CDC45: variants seen among roughly 807,000 people sequenced by gnomAD.
The protein encoded by CDC45 is cell division cycle 45, also known as cell division control protein 45 homolog.
In CDC45, 54 loss-of-function variants were observed where a neutral mutation model predicts 77.8. The observed-to-expected ratio is 0.69, with a 90% CI of 0.56 to 0.87. CDC45 has a LOEUF of 0.87. Among genes scored for constraint, CDC45 ranks in the 40% least tolerant of loss-of-function variants. CDC45 has a pLI of 0.00. For synonymous variants in CDC45, 260 were observed against 272.1 expected (o/e 0.96, Z 0.44); for missense variants, 649 against 721.6 (o/e 0.90, Z 1.15).
intron 7 of CDC45, 94 bp from the exon 8 acceptor site, chr22:19,497,292 C>A: frequency 8.7e-7 from 1 of 1,155,350 alleles, no homozygotes; most frequent in Non-Finnish European, 1.3e-6. Context: ...AGGGGTTTGC[C>A]AGGGCCCTTC....
intron 5 of CDC45, among the ~76,000 whole-genome samples, chr22:19,488,026 GA>G (rs2146347437): frequency 6.6e-6 from 1 of 151,312 alleles, no homozygotes; most frequent in East Asian, 1.9e-4. Context: ...CCCCAGCAAA[GA>G]TGAGAGTCCG....
At chr22:19,493,480 T>C (rs983754690) in intron 5 of CDC45, among the ~76,000 whole-genome samples, 2 of 152,110 alleles carry the variant, frequency 1.3e-5, no homozygotes, top group African/African-American at 4.8e-5. Flanking sequence ...AGTCTTGCTC[T>C]GTTACCCAGG....
At chr22:19,481,837 A>G (rs1201406565) in intron 3 of CDC45, among the ~76,000 whole-genome samples, 1 of 151,880 alleles carries the variant, frequency 6.6e-6, no homozygotes, top group African/African-American at 2.4e-5. Flanking sequence ...ACGCCTGGCT[A>G]ATTTTTGTAT....
Position 19,493,528 on chromosome 22 carries a change from T to C in CDC45, c.487-799T>C, listed in dbSNP as rs563694714. On this transcript the variant is annotated intron_variant, in intron 5 of 18. Coordinates refer to ENST00000263201, the MANE Select transcript of CDC45 (RefSeq NM_003504.5). Reference sequence around the variant, plus strand: ...GGCACAATCTCGGCTCACTGCTACCTCCACCTCCTGGGTTCAGGCAGTTTT... The same window carrying C: ...GGCACAATCTCGGCTCACTGCTACCCCCACCTCCTGGGTTCAGGCAGTTTT... 7.9e-5 allele frequency among the ~76,000 whole-genome samples: 12 copies of C among 152,120 alleles called. No homozygotes were observed. In the East Asian group the frequency reaches 1.7e-3, roughly 22 times the overall value.
At chr22:19,479,489 G>T, upstream of CDC45, 1 of 599,274 alleles carries the variant, frequency 1.7e-6, no homozygotes. Flanking sequence ...TTCAGCCATC[G>T]AGGACTCGGG....
At chr22:19,492,978 CA>C (rs1470516875) in intron 5 of CDC45, among the ~76,000 whole-genome samples, 1 of 152,200 alleles carries the variant, frequency 6.6e-6, no homozygotes, top group Non-Finnish European at 1.5e-5. Context: ...GTGGACTTGT[CA>C]CCAACCAGCA....
chr22:19,520,335 G>A lies in CDC45; in HGVS notation c.*2-146G>A, dbSNP rs1242175674. 6.6e-6 allele frequency: 1 copy of A among 152,312 alleles called. No homozygotes were observed. Among genetic ancestry groups the A allele is most frequent in the Non-Finnish European group, 1.5e-5 (1 of 68,164 alleles). The allele number at this position is 152,312 out of a possible 1,614,324, so 9.4% of individuals were successfully genotyped here. A position where few individuals can be genotyped will look rare whatever the true frequency, so the allele number is the denominator to read the frequency against. On this transcript the variant is annotated intron_variant, in intron 18 of 18. Coordinates refer to ENST00000263201, the MANE Select transcript of CDC45 (RefSeq NM_003504.5). This position sits in a 1 kb window ranked among gnomAD's most constrained non-coding sequence, Gnocchi z 4.5. ...CAAGGGGTGCTATGAGGACAGCAGGGGCCTCCGAGTCTGGGGTGGCCTCAC... is the reference window on the plus strand; with the variant it reads ...CAAGGGGTGCTATGAGGACAGCAGGAGCCTCCGAGTCTGGGGTGGCCTCAC...
intron 2 of CDC45, 74 bp from the exon 3 acceptor site, chr22:19,480,879 C>A: frequency 3.2e-6 from 3 of 931,684 alleles, no homozygotes; most frequent in Non-Finnish European, 5.1e-6. Context: ...CCCGTCTAAT[C>A]TTCCTCAGTT....
chr22:19,479,865 T>G (rs1159518932), upstream of CDC45: 2 of 1,147,960 alleles, frequency 1.7e-6, no homozygotes, highest in Non-Finnish European at 2.6e-6. Context: ...TATTGGTTGG[T>G]GATCCCTGGA....
Position 19,508,680 on chromosome 22 carries a change from C to T in CDC45, c.1206C>T (p.Asp402=). The T allele has an allele frequency of 1.2e-6, 2 of 1,614,032 alleles. No individual in the cohort carries two copies. The highest frequency in any genetic ancestry group is 1.1e-5 in the South Asian group (1 of 91,064). ...SGTDHFIQAL[D]SLSRSNLDKL... ...CAGATCACTTCATCCAGGCTCTGGA[C>T]AGCCTCTCCAGGTAGCAGGAGGGCT... The change falls in exon 13 of 19, where the codon GAC becomes GAT. Residue 402 remains aspartate (D), a synonymous_variant. Coordinates refer to ENST00000263201, the MANE Select transcript of CDC45 (RefSeq NM_003504.5).
chr22:19,505,230 C>A, intron 9 of CDC45, 132 bp from the exon 10 acceptor site: 1 of 987,338 alleles, frequency 1.0e-6, no homozygotes, highest in Non-Finnish European at 1.5e-6. Flanking sequence ...TGTCCTTAGT[C>A]CCTGCATGGG....
chr22:19,505,180 A>G (rs1314247670), intron 9 of CDC45, 182 bp from the exon 10 acceptor site: 6 of 654,382 alleles, frequency 9.2e-6, no homozygotes, highest in East Asian at 2.8e-5. Context: ...GCTCCATCCA[A>G]TCATGTTTTC....
intron 5 of CDC45, 43 bp from the exon 6 acceptor site, chr22:19,494,284 G>T: frequency 6.4e-7 from 1 of 1,571,974 alleles, no homozygotes; most frequent in Non-Finnish European, 8.7e-7. Flanking sequence ...ATAAATTCCT[G>T]GTGCATTTGC....
chr22:19,516,414 G>A, intron 15 of CDC45, 113 bp from the exon 16 acceptor site: 1 of 849,932 alleles, frequency 1.2e-6, no homozygotes, highest in Admixed American at 1.9e-5. Flanking sequence ...CCTGGTGACA[G>A]CGTCCCTGGA....
At chr22:19,493,133 G>A (rs2090178397) in intron 5 of CDC45, among the ~76,000 whole-genome samples, 1 of 152,194 alleles carries the variant, frequency 6.6e-6, no homozygotes, top group South Asian at 2.1e-4. Context: ...TCTTGGTGGT[G>A]TTGGCTAGAG....
intron 10 of CDC45, among the ~76,000 whole-genome samples, chr22:19,506,715 A>G (rs974777789): frequency 6.6e-6 from 1 of 152,132 alleles, no homozygotes; most frequent in Non-Finnish European, 1.5e-5. Context: ...CAAGTGGATC[A>G]TGAGGTCAGG....
intron 4 of CDC45, 143 bp downstream of exon 4, chr22:19,482,970 C>A (rs1361032075): frequency 6.7e-5 from 35 of 523,244 alleles, no homozygotes; most frequent in East Asian, 1.2e-4. Context: ...TCTTTGTCAT[C>A]TTTTTTTTTT....
intron 6 of CDC45, 56 bp from the exon 7 acceptor site, chr22:19,495,925 T>C: frequency 8.3e-7 from 1 of 1,198,828 alleles, no homozygotes; most frequent in Non-Finnish European, 1.2e-6. Flanking sequence ...TTCCAAAATA[T>C]TTGGCTTCCT....
chr22:19,486,403 T>A (rs1292971966), intron 5 of CDC45, among the ~76,000 whole-genome samples: 4 of 152,258 alleles, frequency 2.6e-5, no homozygotes, highest in African/African-American at 7.2e-5. Flanking sequence ...ATTAAGACAT[T>A]TAGCTATTCC....
Sources: allele counts gnomAD v4.1 joint callset (sites outside exome capture counted in the v4.1 genomes callset), GRCh38; gene constraint gnomAD v4.1.1; non-coding constraint Gnocchi (gnomAD v3.1); transcripts MANE v1.5; gene names NCBI Gene and HGNC (gene_info 2026-07-23, HGNC 2026-07-21).